The following DIXDC1 variants were observed in gnomAD, a reference collection of about 807,000 sequenced individuals.
DIXDC1 encodes the protein DIX domain containing 1, also known as dixin.
DIXDC1 carries 64 observed loss-of-function variants against 103.1 expected under a neutral mutation model. The ratio of observed to expected loss-of-function variants is 0.62; its 90% CI spans 0.51 to 0.76. The LOEUF (loss-of-function observed/expected upper bound fraction) is 0.76, where lower values mean the gene tolerates loss of function less well. Among genes scored for constraint, DIXDC1 ranks in the 30% least tolerant of loss-of-function variants. The probability of loss-of-function intolerance (pLI) is 0.00; values close to 1 mark genes in which losing one functional copy is unlikely to be tolerated. For synonymous variants in DIXDC1, 266 were observed against 298.5 expected (o/e 0.89, Z 1.12); for missense variants, 759 against 834.2 (o/e 0.91, Z 1.11).
upstream of DIXDC1, among the ~76,000 whole-genome samples, chr11:111,936,394 T>C (rs1310089805): frequency 6.6e-6 from 1 of 152,262 alleles, no homozygotes; most frequent in Non-Finnish European, 1.5e-5. Flanking sequence ...TCTGTTTCAC[T>C]TGAGGAAGCT....
intron 7 of DIXDC1, among the ~76,000 whole-genome samples, chr11:111,982,911 T>C (rs587745299): frequency 3.9e-5 from 6 of 152,352 alleles, no homozygotes; most frequent in African/African-American, 1.2e-4. Flanking sequence ...AGGTTTCCAT[T>C]TGAATTTAGC....
intron 1 of DIXDC1, among the ~76,000 whole-genome samples, chr11:111,928,991 C>G (rs2137415328): frequency 6.6e-6 from 1 of 152,240 alleles, no homozygotes; most frequent in South Asian, 2.1e-4. Context: ...GCCTGGCCAA[C>G]ATGGTGAAAC....
chr11:112,001,884 G>A (rs2137605274), intron 17 of DIXDC1, among the ~76,000 whole-genome samples: 1 of 151,532 alleles, frequency 6.6e-6, no homozygotes, highest in African/African-American at 2.4e-5. Flanking sequence ...AGCCTCCCAA[G>A]TAGCTGGGAT....
At chr11:111,930,399 C>T (rs1161283246) in intron 2 of DIXDC1, among the ~76,000 whole-genome samples, 2 of 152,082 alleles carry the variant, frequency 1.3e-5, no homozygotes, top group African/African-American at 4.8e-5. Context: ...CCTGCCCCAG[C>T]CTTCTGAGTA....
chr11:111,954,282 C>A (rs1448603479), intron 1 of DIXDC1, among the ~76,000 whole-genome samples: 4 of 152,072 alleles, frequency 2.6e-5, no homozygotes, highest in African/African-American at 9.7e-5. Flanking sequence ...ACCTAGATTC[C>A]TCACATGCAC....
intron 10 of DIXDC1, 138 bp downstream of exon 10, chr11:111,989,193 G>A (rs1860606752): frequency 1.6e-6 from 1 of 636,260 alleles, no homozygotes; most frequent in Admixed American, 3.3e-5. Context: ...TTTGTGGGAG[G>A]GAAGTGAGAC....
intron 1 of DIXDC1, chr11:111,928,658 G>T (rs587705968): frequency 6.6e-6 from 1 of 152,292 alleles, no homozygotes; most frequent in East Asian, 1.9e-4. Context: ...AGCTACTCTG[G>T]AGGCTGAGGC....
intron 17 of DIXDC1, among the ~76,000 whole-genome samples, chr11:112,010,007 A>G (rs1861365239): frequency 6.6e-6 from 1 of 152,222 alleles, no homozygotes; most frequent in Non-Finnish European, 1.5e-5. Flanking sequence ...TTTGGAAAAG[A>G]GGAAGTAAAA....
At chr11:111,939,514 C>G (rs1365542987) in intron 1 of DIXDC1, among the ~76,000 whole-genome samples, 1 of 152,168 alleles carries the variant, frequency 6.6e-6, no homozygotes, top group Admixed American at 6.6e-5. Context: ...GTAAACTTCC[C>G]TCCATCCCCT....
At chr11:112,013,261 C>G (rs797025505) in intron 17 of DIXDC1, among the ~76,000 whole-genome samples, 1 of 129,070 alleles carries the variant, frequency 7.7e-6, no homozygotes, top group African/African-American at 3.0e-5. Context: ...AAGGCCCTAT[C>G]TCCAAAACAG....
chr11:112,014,458 C>T (rs1861525965), intron 17 of DIXDC1, among the ~76,000 whole-genome samples: 1 of 152,182 alleles, frequency 6.6e-6, no homozygotes, highest in African/African-American at 2.4e-5. Context: ...CTGTCCTTCC[C>T]TCTTCTTGGA....
intron 14 of DIXDC1, among the ~76,000 whole-genome samples, chr11:111,994,179 G>A (rs1312579818): frequency 6.6e-6 from 1 of 152,122 alleles, no homozygotes; most frequent in Non-Finnish European, 1.5e-5. Context: ...TTGAGGTCAG[G>A]AGTTTGAGAC....
intron 17 of DIXDC1, among the ~76,000 whole-genome samples, chr11:112,004,923 C>T (rs1175348300): frequency 2.0e-5 from 3 of 152,210 alleles, no homozygotes; most frequent in Admixed American, 1.3e-4. Flanking sequence ...ACTTTTACCT[C>T]TGTCTCTCCT....
At chr11:111,982,784 G>C (rs1354266389) in intron 7 of DIXDC1, among the ~76,000 whole-genome samples, 1 of 152,224 alleles carries the variant, frequency 6.6e-6, no homozygotes, top group Admixed American at 6.5e-5. Flanking sequence ...CTTCTACCCT[G>C]TATGTGGCTG....
intron 17 of DIXDC1, among the ~76,000 whole-genome samples, chr11:112,011,821 G>T (rs939886331): frequency 6.6e-6 from 1 of 151,758 alleles, no homozygotes; most frequent in South Asian, 2.1e-4. Context: ...GGGACGGGGG[G>T]AGGGATAGCA....
At chr11:111,980,914 C>A in intron 6 of DIXDC1, 65 bp downstream of exon 6, 1 of 1,366,378 alleles carries the variant, frequency 7.3e-7, no homozygotes, top group East Asian at 2.3e-5. Flanking sequence ...TTAGAGGTCC[C>A]CATCACCAAT....
At chr11:112,014,379 A>G (rs1861523055) in intron 17 of DIXDC1, among the ~76,000 whole-genome samples, 1 of 152,216 alleles carries the variant, frequency 6.6e-6, no homozygotes. Flanking sequence ...CAATGTATTC[A>G]TTATGCTCCA....
chr11:111,960,238 T>C (rs1566489348), intron 1 of DIXDC1, among the ~76,000 whole-genome samples: 1 of 151,780 alleles, frequency 6.6e-6, no homozygotes, highest in Non-Finnish European at 1.5e-5. Flanking sequence ...AAAGAAGCTG[T>C]ATGTCTTCAT....
chr11:111,991,330 C>T (rs1860706869), intron 10 of DIXDC1, among the ~76,000 whole-genome samples: 1 of 152,142 alleles, frequency 6.6e-6, no homozygotes, highest in Admixed American at 6.5e-5. Context: ...AATTAATAAC[C>T]ACAGAAGTGT....
Sources: allele counts gnomAD v4.1 joint callset (sites outside exome capture counted in the v4.1 genomes callset), GRCh38; gene constraint gnomAD v4.1.1; transcripts MANE v1.5; gene names NCBI Gene and HGNC (gene_info 2026-07-23, HGNC 2026-07-21).